RHOBTB1: variants seen among roughly 807,000 people sequenced by gnomAD.
The protein encoded by RHOBTB1 is Rho related BTB domain containing 1, also known as rho-related BTB domain-containing protein 1.
A neutral mutation model predicts 71.6 loss-of-function variants in RHOBTB1; 40 were observed. That is an observed-to-expected ratio of 0.56 (90% CI 0.43 to 0.73). The LOEUF is 0.73. Among genes scored for constraint, RHOBTB1 ranks in the 30% least tolerant of loss-of-function variants. RHOBTB1 has a pLI of 0.00. For synonymous variants in RHOBTB1, 319 were observed against 334.9 expected (o/e 0.95, Z 0.52); for missense variants, 797 against 894.0 (o/e 0.89, Z 1.38).
At chr10:60,992,896 A>G (rs144188870) in intron 1 of RHOBTB1, among the ~76,000 whole-genome samples, 35 of 152,276 alleles carry the variant, frequency 2.3e-4, no homozygotes, top group Middle Eastern at 3.4e-3. Flanking sequence ...AATCCACATA[A>G]TGTTCTAAAG....
At chr10:60,923,565 C>T (rs1564984508) in intron 2 of RHOBTB1, among the ~76,000 whole-genome samples, 2 of 152,142 alleles carry the variant, frequency 1.3e-5, no homozygotes, top group Non-Finnish European at 2.9e-5. Context: ...TCATGATTGA[C>T]CAAAGACAAT....
rs188541532 is a variant in RHOBTB1 at position 60,993,325 on chromosome 10, G to A, written c.-162-7380C>T. Among the ~76,000 whole-genome samples, 291 of 152,182 alleles carry A rather than the reference G, an allele frequency of 1.9e-3. 1 individual carries two copies. Among genetic ancestry groups the A allele is most frequent in the Non-Finnish European group, 2.0e-3 (135 of 68,006 alleles). The stretch of plus-strand genomic sequence containing the variant: ...AGCATTTTTTAATGGGTTATTTCAG[G>A]CTCAGCTACAAGGGCACATGCCAAA... On this transcript the variant is annotated intron_variant, in intron 1 of 11. Coordinates refer to the RHOBTB1 transcript ENST00000357917.
chr10:60,893,105 T>TAA, intron 4 of RHOBTB1, 110 bp from the exon 5 acceptor site: 36 of 631,758 alleles, frequency 5.7e-5, no homozygotes, highest in South Asian at 9.6e-5. Flanking sequence ...ATGTCACAAT[T>TAA]AAAAAAAAAA....
At chr10:60,867,455 C>T (rs2080639807), downstream of RHOBTB1, among the ~76,000 whole-genome samples, 1 of 152,204 alleles carries the variant, frequency 6.6e-6, no homozygotes, top group Non-Finnish European at 1.5e-5. Flanking sequence ...GCACCCATTT[C>T]ATCTATGTTC....
the RHOBTB1 span, among the ~76,000 whole-genome samples, chr10:60,862,514 CTG>C: frequency 6.7e-4 from 71 of 106,448 alleles, no homozygotes; most frequent in African/African-American, 2.8e-3. Flanking sequence ...AAAGAATACG[CTG>C]TCTCTCTCTC....
At chr10:60,912,182 C>T (rs2083013552) in intron 2 of RHOBTB1, among the ~76,000 whole-genome samples, 1 of 150,744 alleles carries the variant, frequency 6.6e-6, no homozygotes, top group African/African-American at 2.5e-5. Flanking sequence ...ATTCATAATT[C>T]ATAAATATAT....
chr10:60,887,956 C>T (rs1001858889), intron 6 of RHOBTB1, among the ~76,000 whole-genome samples: 3 of 152,168 alleles, frequency 2.0e-5, no homozygotes. Flanking sequence ...CCATTTATTG[C>T]TGGTGTGACC....
At position 60,889,063 on chromosome 10, in the gene RHOBTB1, T is replaced by C. The variant is rs2081772961; in HGVS notation, c.605A>G (p.Asn202Ser). 1 of 1,614,166 alleles carries C rather than the reference T, an allele frequency of 6.2e-7. No homozygotes were observed. ...DQFGIKDVFD[N>S]AIRAALISRR... is the part of the protein sequence containing the mutation. ...GGAAATCAGCGCTGCTCGGATTGCA[T>C]TGTCAAACACATCCTTGATACCAAA... is the stretch of plus-strand genomic sequence containing the variant. Residue 202 changes from asparagine (N) to serine (S), a missense_variant, in exon 6 of 11, where the codon AAT (asparagine) becomes AGT (serine). Asn to Ser is a conservative substitution (Grantham distance 46). Transcript: ENST00000337910.
chr10:60,920,719 G>A (rs557485000), intron 2 of RHOBTB1, among the ~76,000 whole-genome samples: 10 of 151,366 alleles, frequency 6.6e-5, no homozygotes, highest in Admixed American at 5.3e-4. Context: ...GCACAATCTC[G>A]GCTCACTGCA....
chr10:60,878,838 C>A (rs1449946346), intron 7 of RHOBTB1, among the ~76,000 whole-genome samples: 3 of 152,158 alleles, frequency 2.0e-5, no homozygotes, highest in Non-Finnish European at 4.4e-5. Flanking sequence ...TAGAGGTGGG[C>A]ATGGATTAAT....
upstream of RHOBTB1, among the ~76,000 whole-genome samples, chr10:60,945,582 C>A (rs951853555): frequency 5.3e-5 from 8 of 152,316 alleles, no homozygotes; most frequent in South Asian, 1.7e-3. Flanking sequence ...TCCCAGGTGA[C>A]TTCCAGTCCA....
chr10:60,872,782 A>G (rs2080861754), intron 9 of RHOBTB1, among the ~76,000 whole-genome samples: 1 of 152,186 alleles, frequency 6.6e-6, no homozygotes, highest in Admixed American at 6.5e-5. Flanking sequence ...ACATAAGAAG[A>G]GCAGGCGGTA....
intron 4 of RHOBTB1, among the ~76,000 whole-genome samples, chr10:60,894,385 T>G (rs542055581): frequency 3.6e-4 from 55 of 152,308 alleles, no homozygotes; most frequent in Non-Finnish European, 1.0e-4. Context: ...ATGTTCAGAA[T>G]CATCTTGAAT....
chr10:60,977,244 C>T (rs942570081), intron 2 of RHOBTB1, among the ~76,000 whole-genome samples: 1 of 151,886 alleles, frequency 6.6e-6, no homozygotes, highest in African/African-American at 2.4e-5. Context: ...CCTTTAAGTA[C>T]CATACACTTT....
At chr10:60,974,062 T>G (rs2086243934) in intron 2 of RHOBTB1, among the ~76,000 whole-genome samples, 1 of 152,074 alleles carries the variant, frequency 6.6e-6, no homozygotes, top group South Asian at 2.1e-4. Flanking sequence ...TCTATCTCCA[T>G]AACATGAAAT....
chr10:60,994,605 A>AC (rs754955960), intron 1 of RHOBTB1, among the ~76,000 whole-genome samples: 4 of 152,132 alleles, frequency 2.6e-5, no homozygotes, highest in Non-Finnish European at 4.4e-5. Flanking sequence ...AGATTTTCTA[A>AC]TGTGAGGGAA....
chr10:60,995,846 T>C (rs1565217129), intron 1 of RHOBTB1, among the ~76,000 whole-genome samples: 2 of 147,026 alleles, frequency 1.4e-5, no homozygotes, highest in Non-Finnish European at 3.0e-5. Context: ...TCCCCCAAGA[T>C]AAAAAAAAAA....
rs74452887 is a variant in RHOBTB1 at position 60,940,190 on chromosome 10, T to C, written c.-11+1614A>G. 2.5e-3 allele frequency among the ~76,000 whole-genome samples: 378 copies of C among 152,280 alleles called. 4 individuals are homozygous for C. The East Asian group carries it at 0.066, about 27-fold the overall frequency. On this transcript the variant is annotated intron_variant, in intron 2 of 10. Coordinates refer to ENST00000337910, the MANE Select transcript of RHOBTB1 (RefSeq NM_014836.5). ...TAAAAAATATCTTCACTAATTAAGA[T>C]TTTAGAGCTATTAGCTTGAGTGGGG...
intron 2 of RHOBTB1, among the ~76,000 whole-genome samples, chr10:60,916,357 C>T (rs1476666891): frequency 1.3e-5 from 2 of 152,204 alleles, no homozygotes; most frequent in African/African-American, 4.8e-5. Context: ...CATCTTGGAC[C>T]TTCCAGCTCA....
Sources: gnomAD v4.1 joint callset for allele counts (sites outside exome capture counted in the v4.1 genomes callset) on GRCh38, gnomAD v4.1.1 for gene constraint, MANE v1.5 for transcripts, NCBI Gene and HGNC (gene_info 2026-07-23, HGNC 2026-07-21) for gene names.